DYNLT2: variants seen among roughly 807,000 people sequenced by gnomAD.
DYNLT2 encodes the protein dynein light chain Tctex-type 2.
DYNLT2 carries 24 observed loss-of-function variants against 24.3 expected under a neutral mutation model. The ratio of observed to expected loss-of-function variants is 0.99; its 90% CI spans 0.71 to 1.39. DYNLT2 has a LOEUF of 1.39. Among genes scored for constraint, DYNLT2 ranks in the 40% most tolerant of loss-of-function variants. The probability of loss-of-function intolerance (pLI) is 0.00; values close to 1 mark genes in which losing one functional copy is unlikely to be tolerated. For synonymous variants in DYNLT2, 85 were observed against 85.4 expected, an observed-to-expected ratio of 1.00 and a Z score of 0.03; for missense variants, 246 against 234.5, an observed-to-expected ratio of 1.05 and a Z score of -0.32.
At chr6:169,738,305 G>A (rs1028156262), downstream of DYNLT2, among the ~76,000 whole-genome samples, 4 of 152,230 alleles carry the variant, frequency 2.6e-5, no homozygotes, top group African/African-American at 9.6e-5. Flanking sequence ...TCAGGCAGCT[G>A]CAGCCAGTGC....
chr6:169,727,241 A>G, the DYNLT2 span, among the ~76,000 whole-genome samples: 1 of 152,228 alleles, frequency 6.6e-6, no homozygotes, highest in African/African-American at 2.4e-5. Context: ...GAGCCAGAGT[A>G]TAGACAACTC....
intron 1 of DYNLT2, among the ~76,000 whole-genome samples, chr6:169,748,733 T>G (rs183468915): frequency 6.6e-6 from 1 of 152,342 alleles, no homozygotes; most frequent in South Asian, 2.1e-4. Context: ...CATAGTATCA[T>G]TAACAGCGGC....
chr6:169,746,804 A>G (rs1267116701), intron 1 of DYNLT2, among the ~76,000 whole-genome samples: 2 of 151,944 alleles, frequency 1.3e-5, no homozygotes, highest in African/African-American at 4.8e-5. Context: ...TAGTTGTATG[A>G]CTAGGTATTT....
At chr6:169,750,697 A>G (rs1446564825) in intron 1 of DYNLT2, 1 of 152,236 alleles carries the variant, frequency 6.6e-6, no homozygotes, top group East Asian at 1.9e-4. Flanking sequence ...TAAAGTATCA[A>G]TAAAATATAG....
chr6:169,741,625 C>T lies in DYNLT2; in HGVS notation c.487-1330G>A, dbSNP rs116202910. Among the ~76,000 whole-genome samples, 1,391 of 152,276 alleles carry T rather than the reference C, an allele frequency of 9.1e-3. 16 individuals carry two copies. The highest frequency in any genetic ancestry group is 0.031 in the African/African-American group (1,298 of 41,554). ...ACATCATGCCACTATCTACTAGCTA[C>T]TAGTCCAGCTACACTTGTTACATAT... is the stretch of plus-strand genomic sequence containing the variant. On this transcript the variant is annotated intron_variant, in intron 3 of 3. Transcript: ENST00000366774.
At position 169,744,119 on chromosome 6, in the gene DYNLT2, C is replaced by T. The variant is rs779062001; in HGVS notation, c.276G>A (p.Leu92=). 6 of 1,612,938 alleles carry T rather than the reference C, an allele frequency of 3.7e-6. No homozygotes were observed. In the Admixed American group the frequency reaches 5.0e-5, roughly 13 times the overall value. The change falls in exon 2 of 4, where the codon TTG becomes TTA. Residue 92 remains leucine, a synonymous_variant. Transcript: ENST00000366774. ...KFANSYRMEP[L]KKFQAHSVET... Reference sequence around the variant, plus strand: ...CTACTGAATGAGCTTGGAATTTCTTCAATGGCTCCATTCTATATGAATTAG... The same window carrying T: ...CTACTGAATGAGCTTGGAATTTCTTTAATGGCTCCATTCTATATGAATTAG...
At chr6:169,726,072 A>C in the DYNLT2 span, among the ~76,000 whole-genome samples, 1 of 152,238 alleles carries the variant, frequency 6.6e-6, no homozygotes, top group South Asian at 2.1e-4. Flanking sequence ...CCCACTTTCA[A>C]ATAAATTTGT....
the DYNLT2 span, among the ~76,000 whole-genome samples, chr6:169,730,682 A>C: frequency 6.6e-6 from 1 of 152,136 alleles, no homozygotes; most frequent in South Asian, 2.1e-4. Context: ...ATGGATCACG[A>C]AGTCAGGAGA....
At chr6:169,730,250 A>T in the DYNLT2 span, among the ~76,000 whole-genome samples, 1 of 152,118 alleles carries the variant, frequency 6.6e-6, no homozygotes, top group East Asian at 1.9e-4. Context: ...CCAAGGAAAG[A>T]TGACAGGAGT....
rs1005867945 is a variant in DYNLT2 at position 169,751,542 on chromosome 6, T to C, written c.-84A>G. ...CTAGCCAGTCCCGCGAGGGCGGAAG[T>C]CTCCCACCTGCGCCTCGTACGGTAG... is the stretch of plus-strand genomic sequence containing the variant. On this transcript the variant is annotated 5_prime_UTR_variant, in exon 1 of 4. Coordinates refer to ENST00000366774, the MANE Select transcript of DYNLT2 (RefSeq NM_174910.3). 2.5e-6 allele frequency: 4 copies of C among 1,610,336 alleles called. No homozygotes were observed. Among genetic ancestry groups the C allele is most frequent in the Non-Finnish European group, 3.4e-6 (4 of 1,178,726 alleles).
At chr6:169,734,905 A>C in the DYNLT2 span, among the ~76,000 whole-genome samples, 1 of 152,058 alleles carries the variant, frequency 6.6e-6, no homozygotes, top group African/African-American at 2.4e-5. Flanking sequence ...TCAGCTGTGA[A>C]TCCTTCTTGC....
chr6:169,740,891 C>A (rs1360015112), intron 3 of DYNLT2, among the ~76,000 whole-genome samples: 1 of 151,852 alleles, frequency 6.6e-6, no homozygotes, highest in African/African-American at 2.4e-5. Flanking sequence ...TCACTGCAAC[C>A]TCCACCTCCT....
At chr6:169,733,347 T>G in the DYNLT2 span, among the ~76,000 whole-genome samples, 1 of 152,250 alleles carries the variant, frequency 6.6e-6, no homozygotes, top group Admixed American at 6.5e-5. Flanking sequence ...ATTTTTGTCA[T>G]GAAGTCTTTG....
downstream of DYNLT2, chr6:169,740,069 C>A: frequency 4.6e-6 from 3 of 649,562 alleles, no homozygotes; most frequent in Admixed American, 3.0e-5. Flanking sequence ...AATTGAAAGG[C>A]CTCAAATGAG....
At chr6:169,735,708 T>C (rs1012625610), downstream of DYNLT2, among the ~76,000 whole-genome samples, 1 of 152,206 alleles carries the variant, frequency 6.6e-6, no homozygotes, top group African/African-American at 2.4e-5. Context: ...TCCAATTATA[T>C]GGTTGATTTT....
chr6:169,730,906 G>T, the DYNLT2 span, among the ~76,000 whole-genome samples: 1 of 152,274 alleles, frequency 6.6e-6, no homozygotes, highest in African/African-American at 2.4e-5. Flanking sequence ...CAGTGGGCAA[G>T]TGGTTCAAAA....
In DYNLT2 at chr6:169,743,079, C is replaced by A. The variant is rs764936236; in HGVS notation, c.486+1G>T. ...AGATCCTGTATCAATGGGGTACTTACATTTATTGCTTGGCCAGTCTTTTGA... is the reference window on the plus strand; with the variant it reads ...AGATCCTGTATCAATGGGGTACTTAAATTTATTGCTTGGCCAGTCTTTTGA... On this transcript the variant is annotated splice_donor_variant, in intron 3 of 3. Transcript: ENST00000366774. LOFTEE classifies it high-confidence loss of function. 8.4e-6 allele frequency: 13 copies of A among 1,543,580 alleles called. No individual in the cohort carries two copies. Among genetic ancestry groups the A allele is most frequent in the South Asian group, 1.3e-5 (1 of 79,076 alleles).
the DYNLT2 span, among the ~76,000 whole-genome samples, chr6:169,733,998 C>T: frequency 6.6e-6 from 1 of 152,150 alleles, no homozygotes; most frequent in African/African-American, 2.4e-5. Context: ...AGGTGCTTCA[C>T]ATCCCTTGTT....
At chr6:169,749,555 C>T (rs886215829) in intron 1 of DYNLT2, 1 of 152,224 alleles carries the variant, frequency 6.6e-6, no homozygotes, top group Non-Finnish European at 1.5e-5. Flanking sequence ...GTTTACATAA[C>T]AGCAGAGAAG....
Sources: allele counts gnomAD v4.1 joint callset (sites outside exome capture counted in the v4.1 genomes callset), GRCh38; gene constraint gnomAD v4.1.1; transcripts MANE v1.5; gene names NCBI Gene and HGNC (gene_info 2026-07-23, HGNC 2026-07-21).